The following CFAP74 variants were observed in gnomAD, a reference collection of about 807,000 sequenced individuals.
CFAP74 encodes cilia- and flagella-associated protein 74.
Under a neutral mutation model 188.9 loss-of-function variants are expected in CFAP74, and 124 were observed. The observed-to-expected ratio is 0.66, with a 90% CI of 0.57 to 0.76. The LOEUF is 0.76. CFAP74 is among the 30% of genes least tolerant of loss of function. The pLI is 0.00. For synonymous variants in CFAP74, 956 were observed against 916.7 expected (o/e 1.04, Z -0.77); for missense variants, 2,198 against 2,165.2 (o/e 1.02, Z -0.30).
intron 24 of CFAP74, among the ~76,000 whole-genome samples, 164 bp downstream of exon 24, chr1:1,939,430 G>T (rs1026932312): frequency 6.6e-6 from 1 of 152,200 alleles, no homozygotes; most frequent in South Asian, 2.1e-4. Flanking sequence ...GCCCAGGGCT[G>T]GTGTGCAGGG....
At position 1,926,347 on chromosome 1, in the gene CFAP74, G is replaced by A. The variant is rs1651892466; in HGVS notation, c.3829C>T (p.Leu1277=). 6.5e-7 allele frequency: 1 copy of A among 1,548,728 alleles called. No homozygotes were observed. Among genetic ancestry groups the A allele is most frequent in the Admixed American group, 2.0e-5 (1 of 50,916 alleles). The change falls in exon 32 of 39, where the codon CTG becomes TTG. Residue 1277 remains leucine, a splice_region_variant and synonymous_variant. Coordinates refer to ENST00000682832, the MANE Select transcript of CFAP74 (RefSeq NM_001304360.2). ...TTGGGGTTCAGCAGGGAGAAGTCCA[G>A]CTGAGGGTCCACGTCAAGGAGGGGA... ...IQNVSPEDLA[L]DFSLLNPNGP...
intron 6 of CFAP74, 84 bp downstream of exon 6, chr1:1,985,302 A>C: frequency 8.4e-7 from 1 of 1,197,598 alleles, no homozygotes; most frequent in Non-Finnish European, 1.2e-6. Flanking sequence ...AACCCCCCAG[A>C]TCTTGCTCTC....
chr1:1,966,795 C>T (rs1004667609), intron 11 of CFAP74, among the ~76,000 whole-genome samples: 4 of 151,680 alleles, frequency 2.6e-5, no homozygotes, highest in Non-Finnish European at 5.9e-5. Context: ...AATTCACGGA[C>T]TGGCATCCTT....
rs558841087 is a variant in CFAP74, at chr1:1,928,707, G to A, written c.3387+77C>T. ...CCGGCACGTGGCCGGAGCCCCCCAG[G>A]ACTCGAAGGCGGTGGAGTTTGTTCC... On this transcript the variant is annotated intron_variant, in intron 27 of 38. Coordinates refer to ENST00000682832, the MANE Select transcript of CFAP74 (RefSeq NM_001304360.2). 1.3e-4 allele frequency: 144 copies of A among 1,103,620 alleles called. 2 individuals carry two copies. In the East Asian group the frequency reaches 3.7e-3, roughly 28 times the overall value. The allele number at this position is 1,103,620 out of a possible 1,614,324, so 68.4% of individuals were successfully genotyped here. A position where few individuals can be genotyped will look rare whatever the true frequency, so the allele number is the denominator to read the frequency against.
In CFAP74 at chr1:1,985,513, C is replaced by T. The variant is rs765272230; in HGVS notation, c.396-23G>A. 3.7e-5 allele frequency: 59 copies of T among 1,594,872 alleles called. 1 individual carries two copies. The highest frequency in any genetic ancestry group is 3.3e-4 in the Middle Eastern group (2 of 5,976). On this transcript the variant is annotated intron_variant, in intron 5 of 38. Transcript: ENST00000682832. ...GCCCTGCAGTGGTGAACGGACAGGC[C>T]GGGCGTGTGTCAGGCCTCAGTCATC...
intron 25 of CFAP74, among the ~76,000 whole-genome samples, chr1:1,933,686 G>T (rs1652596213): frequency 6.6e-6 from 1 of 152,102 alleles, no homozygotes; most frequent in South Asian, 2.1e-4. Flanking sequence ...ATCCTCATTG[G>T]TCTTGCTGGG....
chr1:1,987,155 C>A, intron 4 of CFAP74, 120 bp from the exon 5 acceptor site: 1 of 745,020 alleles, frequency 1.3e-6, no homozygotes, highest in South Asian at 1.8e-5. Flanking sequence ...CCCCCTCACC[C>A]GGGCCAGGGG....
chr1:2,002,807 T>C (rs1379425256), intron 1 of CFAP74, among the ~76,000 whole-genome samples: 1 of 150,370 alleles, frequency 6.7e-6, no homozygotes, highest in Non-Finnish European at 1.5e-5. Context: ...ACACCACATA[T>C]ATTCTTTAAA....
At position 1,985,318 on chromosome 1, in the gene CFAP74, C is replaced by G; in HGVS notation, c.500+68G>C. 5 of 1,367,526 alleles carry G rather than the reference C, an allele frequency of 3.7e-6. No homozygotes were observed. The South Asian group carries it at 5.8e-5, about 16-fold the overall frequency. 84.7% of individuals were successfully genotyped at this position (1,367,526 alleles called of 1,614,324 possible). A position where few individuals can be genotyped will look rare whatever the true frequency, so the allele number is the denominator to read the frequency against. ...ACCCCCCAGATCTTGCTCTCTGCCC[C>G]CAGATGGGAAGGACTCGCACCGTTC... On this transcript the variant is annotated intron_variant, in intron 6 of 38. Coordinates refer to ENST00000682832, the MANE Select transcript of CFAP74 (RefSeq NM_001304360.2).
rs772062184 is a variant in CFAP74 at position 1,955,828 on chromosome 1, T to G, written c.2039A>C (p.Asp680Ala). ...LKLSSLLTYEDKSLYDKAATS... is the reference protein window; with the variant it reads ...LKLSSLLTYEAKSLYDKAATS... ...GGCGGCTTTGTCATACAAGCTTTTA[T>G]CTTCGTAGGTCAGGAGACTGCTCTA... Residue 680 changes from aspartate to alanine, a missense_variant, in exon 18 of 39, where the codon GAT (aspartate) becomes GCT (alanine). Asp to Ala is a moderately radical substitution (Grantham distance 126). Coordinates refer to ENST00000682832, the MANE Select transcript of CFAP74 (RefSeq NM_001304360.2). 1 of 1,613,574 alleles carries G rather than the reference T, an allele frequency of 6.2e-7. No homozygotes were observed. The highest frequency in any genetic ancestry group is 8.5e-7 in the Non-Finnish European group (1 of 1,180,032).
At chr1:1,984,300 CTTTTTTTT>C (rs34354073) in intron 6 of CFAP74, 1 of 139,950 alleles carries the variant, frequency 7.1e-6, no homozygotes, top group African/African-American at 2.6e-5. Context: ...AGCCCAAAAA[CTTTTTTTT>C]TTTTTTTTTT....
rs941515720 is a variant in CFAP74, at chr1:1,926,393, A to G, written c.3829-46T>C. On this transcript the variant is annotated intron_variant, in intron 31 of 38. Transcript: ENST00000682832. ...GGGGATACAGGTGTCTGCAGGCTCT[A>G]CCACGCCCTCCCCGGTCCCCGCTCC... 4.5e-6 allele frequency: 7 copies of G among 1,549,996 alleles called. No individual in the cohort carries two copies. The African/African-American group carries it at 8.2e-5, about 18-fold the overall frequency.
At chr1:1,972,168 C>T in intron 8 of CFAP74, 86 bp from the exon 9 acceptor site, 2 of 1,000,536 alleles carry the variant, frequency 2.0e-6, no homozygotes, top group Non-Finnish European at 3.1e-6. Context: ...GCAGCCTCGA[C>T]CTCCCAGGCT....
chr1:1,966,849 T>G (rs890930670), intron 11 of CFAP74, among the ~76,000 whole-genome samples: 11 of 151,922 alleles, frequency 7.2e-5, no homozygotes, highest in Admixed American at 6.6e-4. Context: ...TTTTTTTTTT[T>G]TTTTTGAGAC....
At position 1,973,958 on chromosome 1, in the gene CFAP74, G is replaced by GGGAGAGGGCGGAGGGGCT. The variant is rs1553230982; in HGVS notation, c.674+49_674+66dup. 1 of 1,413,552 alleles carries GGGAGAGGGCGGAGGGGCT rather than the reference G, an allele frequency of 7.1e-7. No homozygotes were observed. Among genetic ancestry groups the GGGAGAGGGCGGAGGGGCT allele is most frequent in the African/African-American group, 1.4e-5 (1 of 69,002 alleles). The allele number at this position is 1,413,552 out of a possible 1,614,324, so 87.6% of individuals were successfully genotyped here. ...CGAGGCTGAATCTGGAGACCCCTGG[G>GGGAGAGGGCGGAGGGGCT]GGAGAGGGCGGAGGGGCTGGCAGAA... On this transcript the variant is annotated intron_variant, in intron 7 of 38. Transcript: ENST00000682832. The surrounding 1 kb of genome is among the most constrained non-coding windows in gnomAD (Gnocchi z 6.2).
intron 11 of CFAP74, among the ~76,000 whole-genome samples, chr1:1,967,607 C>T (rs1319257369): frequency 6.6e-6 from 1 of 152,146 alleles, no homozygotes; most frequent in African/African-American, 2.4e-5. Context: ...AAAGGACCTT[C>T]TCTGGTGCCC....
intron 6 of CFAP74, among the ~76,000 whole-genome samples, chr1:1,981,693 A>ACCCAGCCGCGGTCACATG (rs1656871652): frequency 8.9e-6 from 1 of 111,952 alleles, no homozygotes; most frequent in Non-Finnish European, 1.8e-5. Context: ...GCGGACAGAC[A>ACCCAGCCGCGGTCACATG]CGGGGGCACG....
At chr1:1,956,164 C>T (rs1334380242) in intron 17 of CFAP74, among the ~76,000 whole-genome samples, 1 of 152,250 alleles carries the variant, frequency 6.6e-6, no homozygotes, top group Non-Finnish European at 1.5e-5. Flanking sequence ...TCCTCCTTGG[C>T]TGGCTAGAGG....
intron 10 of CFAP74, among the ~76,000 whole-genome samples, chr1:1,970,013 G>A (rs1655823238): frequency 6.6e-6 from 1 of 152,220 alleles, no homozygotes; most frequent in Non-Finnish European, 1.5e-5. Flanking sequence ...GCGAGACTGA[G>A]CGGGAGAGAG....
Sources: gnomAD v4.1 joint callset for allele counts (sites outside exome capture counted in the v4.1 genomes callset) on GRCh38, gnomAD v4.1.1 for gene constraint, Gnocchi (gnomAD v3.1) non-coding constraint, MANE v1.5 for transcripts, NCBI Gene and HGNC (gene_info 2026-07-23, HGNC 2026-07-21) for gene names.